Variants in SLCO1B3 observed in about 807,000 individuals in gnomAD.
The protein encoded by SLCO1B3 is liver-specific organic anion transporter 2.
Under a neutral mutation model 71.8 loss-of-function variants are expected in SLCO1B3, and 72 were observed. The ratio of observed to expected loss-of-function variants is 1.00; its 90% CI spans 0.83 to 1.22. The LOEUF (loss-of-function observed/expected upper bound fraction) is 1.22, where lower values mean the gene tolerates loss of function less well. Ranked by LOEUF, SLCO1B3 falls within the 50% of genes most tolerant of loss-of-function variation. SLCO1B3 has a pLI of 0.00. For missense variants in SLCO1B3, 911 were observed against 819.7 expected (o/e 1.11, Z -1.36); for synonymous variants, 298 against 278.4 (o/e 1.07, Z -0.70).
chr12:20,832,589 C>T (rs1684260795), intron 3 of SLCO1B3, among the ~76,000 whole-genome samples: 1 of 152,122 alleles, frequency 6.6e-6, no homozygotes, highest in Non-Finnish European at 1.5e-5. Flanking sequence ...ATGTAACTGC[C>T]ACCAAGATCC....
chr12:20,867,675 G>T (rs1865400153), intron 8 of SLCO1B3, among the ~76,000 whole-genome samples: 1 of 152,186 alleles, frequency 6.6e-6, no homozygotes, highest in South Asian at 2.1e-4. Context: ...TTACAACATG[G>T]AAGCTTCTGT....
At position 20,862,808 on chromosome 12, in the gene SLCO1B3, A is replaced by T; in HGVS notation, c.681A>T (p.Gly227=). Residue 227 remains glycine (G), a synonymous_variant, in exon 8 of 16, where the codon GGA becomes GGT. Transcript: ENST00000381545. Reference sequence around the variant, plus strand: ...GTCCAGTCATTGGCTTTGCACTGGGATCTCTGTTTGCTAAAATGTACGTGG... The same window carrying T: ...GTCCAGTCATTGGCTTTGCACTGGGTTCTCTGTTTGCTAAAATGTACGTGG... The part of the protein sequence containing the change: ...MIGPVIGFAL[G]SLFAKMYVDI... 6.2e-7 allele frequency: 1 copy of T among 1,611,886 alleles called. No individual in the cohort carries two copies.
At chr12:20,821,840 G>A (rs1381003837) in intron 3 of SLCO1B3, among the ~76,000 whole-genome samples, 1 of 152,220 alleles carries the variant, frequency 6.6e-6, no homozygotes, top group African/African-American at 2.4e-5. Context: ...ACCAAGGGAA[G>A]GCTGCCTTCC....
intron 3 of SLCO1B3, among the ~76,000 whole-genome samples, chr12:20,830,608 T>C (rs1864519825): frequency 6.6e-6 from 1 of 152,188 alleles, no homozygotes; most frequent in African/African-American, 2.4e-5. Flanking sequence ...AAAAAGCCGC[T>C]TTTGGTGACT....
At position 20,898,458 on chromosome 12, in the gene SLCO1B3, G is replaced by T. The variant is rs763975880; in HGVS notation, c.1705G>T (p.Ala569Ser). 9 of 1,599,072 alleles carry T rather than the reference G, an allele frequency of 5.6e-6. No homozygotes were observed. Among genetic ancestry groups the T allele is most frequent in the African/African-American group, 5.4e-5 (4 of 74,574 alleles). The change falls in exon 14 of 16, where the codon GCA (alanine) becomes TCA (serine). Residue 569 changes from alanine to serine, a missense_variant. Physicochemically the swap from Ala to Ser is moderately conservative, Grantham distance 99. Coordinates refer to ENST00000381545, the MANE Select transcript of SLCO1B3 (RefSeq NM_019844.4). ...CAGGATTGTTCAACCTGAATTGAAA[G>T]CACTTGCAATGGGTTTCCAGTCAAT... ...TVKIVQPELKALAMGFQSMVI... is the reference protein window; with the variant it reads ...TVKIVQPELKSLAMGFQSMVI...
Position 20,897,785 on chromosome 12 carries a change from T to G in SLCO1B3, c.1683-651T>G, listed in dbSNP as rs531851542. On this transcript the variant is annotated intron_variant, in intron 13 of 15. Transcript: ENST00000381545. ...AAAGATAATTTCATTTCTCTTGGTA[T>G]GTACTAAGTTATCACAGGGATGGTA... Among the ~76,000 whole-genome samples, 4 of 152,306 alleles carry G rather than the reference T, an allele frequency of 2.6e-5. 1 individual carries two copies. The South Asian group carries it at 6.2e-4, about 24-fold the overall frequency.
At chr12:20,888,057 G>A (rs1388480053) in intron 13 of SLCO1B3, among the ~76,000 whole-genome samples, 1 of 151,716 alleles carries the variant, frequency 6.6e-6, no homozygotes, top group African/African-American at 2.4e-5. Flanking sequence ...TTTATTTCTG[G>A]CTTCTCCATT....
At chr12:20,831,216 G>T (rs140375417) in intron 3 of SLCO1B3, among the ~76,000 whole-genome samples, 3 of 151,918 alleles carry the variant, frequency 2.0e-5, no homozygotes, top group Non-Finnish European at 4.4e-5. Flanking sequence ...AATTATCCGG[G>T]CGTGGTGGCA....
chr12:20,898,107 T>C (rs1218960735), intron 13 of SLCO1B3, among the ~76,000 whole-genome samples: 2 of 152,196 alleles, frequency 1.3e-5, no homozygotes, highest in African/African-American at 2.4e-5. Context: ...CTTGACTAAA[T>C]AGTCCACACA....
chr12:20,862,094 A>G (rs1293678361), intron 6 of SLCO1B3, among the ~76,000 whole-genome samples: 2 of 152,164 alleles, frequency 1.3e-5, no homozygotes, highest in South Asian at 4.1e-4. Context: ...ATAATTGTAT[A>G]TGCACCTTAA....
At chr12:20,823,844 CCCTGTAAAGGATAAGAT>C (rs1160647436) in intron 3 of SLCO1B3, among the ~76,000 whole-genome samples, 3 of 152,140 alleles carry the variant, frequency 2.0e-5, no homozygotes, top group Admixed American at 2.0e-4. Flanking sequence ...CAGGTCATGA[CCCTGTAAAGGATAAGAT>C]ATGGGGCTAG....
rs1055484833 is a variant in SLCO1B3, at chr12:20,862,667, G to A, written c.629-89G>A. 4.2e-6 allele frequency: 6 copies of A among 1,423,550 alleles called. No homozygotes were observed. The African/African-American group carries it at 7.2e-5, about 17-fold the overall frequency. 88.2% of individuals were successfully genotyped at this position (1,423,550 alleles called of 1,614,324 possible). ...ACCTATTAGAAAAATATTTGCAGAA[G>A]TGTATTGTATAATATTACTTTTAAA... On this transcript the variant is annotated intron_variant, in intron 7 of 15. Coordinates refer to ENST00000381545, the MANE Select transcript of SLCO1B3 (RefSeq NM_019844.4).
chr12:20,892,318 A>G (rs988953155), intron 13 of SLCO1B3, among the ~76,000 whole-genome samples: 2 of 152,188 alleles, frequency 1.3e-5, no homozygotes, highest in Non-Finnish European at 2.9e-5. Context: ...GGGAAGTGCA[A>G]CAGTCAGCAC....
intron 8 of SLCO1B3, among the ~76,000 whole-genome samples, chr12:20,874,973 A>G (rs780305484): frequency 6.6e-6 from 1 of 152,204 alleles, no homozygotes; most frequent in Non-Finnish European, 1.5e-5. Flanking sequence ...ATGAAATCTG[A>G]AAAGCCACCA....
At chr12:20,823,020 G>A (rs10841657) in intron 3 of SLCO1B3, among the ~76,000 whole-genome samples, 138,654 of 152,074 alleles carry the variant, frequency 0.91, 63,899 homozygotes, top group East Asian at 0.99. Flanking sequence ...TAGATCCCAC[G>A]TTATTAGGAA....
At chr12:20,877,004 G>C (rs1278688158) in intron 9 of SLCO1B3, among the ~76,000 whole-genome samples, 1 of 152,014 alleles carries the variant, frequency 6.6e-6, no homozygotes, top group Non-Finnish European at 1.5e-5. Context: ...CTAATTTTTT[G>C]TATTTTTGTA....
rs1017124038 is a variant in SLCO1B3, at chr12:20,883,483, G to C, written c.1563G>C (p.Leu521Phe). 19 of 1,598,678 alleles carry C rather than the reference G, an allele frequency of 1.2e-5. No individual in the cohort carries two copies. Among genetic ancestry groups the C allele is most frequent in the Non-Finnish European group, 1.4e-5 (16 of 1,172,290 alleles). Residue 521 changes from leucine to phenylalanine, a missense_variant, in exon 13 of 16, where the codon TTG (leucine) becomes TTC (phenylalanine). Leu to Phe is a conservative substitution (Grantham distance 22). Coordinates refer to ENST00000381545, the MANE Select transcript of SLCO1B3 (RefSeq NM_019844.4). ...AGAACAGAAATTACTCAGCACACTT[G>C]GGTGAATGCCCAAGAGATAATACTT... ...GLQNRNYSAH[L>F]GECPRDNTCT...
chr12:20,916,819 A>C lies in SLCO1B3; in HGVS notation c.*572A>C, dbSNP rs147670653. The C allele has an allele frequency of 6.6e-6, 1 of 152,148 alleles. No individual in the cohort carries two copies. The highest frequency in any genetic ancestry group is 2.4e-5 in the African/African-American group (1 of 41,442). 9.4% of individuals were successfully genotyped at this position (152,148 alleles called of 1,614,324 possible). ...AAATATTCAAATATTGCAAGGTGTA[A>C]TTGTGAGACAACTTATTATAATACG... On this transcript the variant is annotated 3_prime_UTR_variant, in exon 16 of 16. Transcript: ENST00000381545.
chr12:20,910,450 C>G (rs1382512292), intron 15 of SLCO1B3, among the ~76,000 whole-genome samples: 2 of 152,144 alleles, frequency 1.3e-5, no homozygotes, highest in African/African-American at 4.8e-5. Flanking sequence ...TTTGCCTCTT[C>G]ACATAAACTT....
Sources: allele counts gnomAD v4.1 joint callset (sites outside exome capture counted in the v4.1 genomes callset), GRCh38; gene constraint gnomAD v4.1.1; transcripts MANE v1.5; gene names NCBI Gene and HGNC (gene_info 2026-07-23, HGNC 2026-07-21).